Variants in MUC3A observed in about 807,000 individuals in gnomAD.
The protein encoded by MUC3A is mucin-3A.
Under a neutral mutation model 109.0 loss-of-function variants are expected in MUC3A, and 109 were observed. The observed-to-expected ratio is 1.00, with a 90% CI of 0.86 to 1.17. The LOEUF is 1.17. MUC3A is among the 50% of genes most tolerant of loss of function. The pLI, the probability that MUC3A is intolerant of heterozygous loss-of-function variation, is 0.00. For missense variants in MUC3A, 3,537 were observed against 2,469.4 expected (o/e 1.43, Z -9.16); for synonymous variants, 1,398 against 981.4 (o/e 1.42, Z -7.93).
rs1196633856 is a variant in MUC3A, at chr7:100,959,250, A to T, written c.7471A>T (p.Thr2491Ser). The T allele has an allele frequency of 3.8e-6, 6 of 1,597,190 alleles. No homozygotes were observed. Among genetic ancestry groups the T allele is most frequent in the Non-Finnish European group, 5.1e-6 (6 of 1,179,002 alleles). Reference sequence around the variant, plus strand: ...AGACATCCCGACCACAAGCCTACGAACTCTCACCCCTTCGTCTGTGGGCAC... The same window carrying T: ...AGACATCCCGACCACAAGCCTACGATCTCTCACCCCTTCGTCTGTGGGCAC... Reference protein sequence around the residue: ...STDIPTTSLRTLTPSSVGTST... With the variant: ...STDIPTTSLRSLTPSSVGTST... Residue 2491 changes from threonine to serine, a missense_variant, in exon 2 of 12, where the codon ACT (threonine) becomes TCT (serine). Thr to Ser is a moderately conservative substitution (Grantham distance 58, BLOSUM62 1). Coordinates refer to ENST00000379458, the MANE Select transcript of MUC3A (RefSeq NM_005960.2).
In MUC3A at chr7:100,960,098, A is replaced by G; in HGVS notation, c.8319A>G (p.Ile2773Met). The change falls in exon 2 of 12, where the codon ATA becomes ATG. Residue 2773 changes from isoleucine (I) to methionine (M), a missense_variant. Transcript: ENST00000379458. ...CCACCACACCCTGTCCAGGAACTAT[A>G]ACAATTACCATAGTCCCTGCCTCCC... ...LPSTTPCPGT[I>M]TITIVPASPT... The G allele has an allele frequency of 6.6e-7, 1 of 1,524,744 alleles. No homozygotes were observed. Among genetic ancestry groups the G allele is most frequent in the Non-Finnish European group, 8.7e-7 (1 of 1,145,042 alleles). The allele number at this position is 1,524,744 out of a possible 1,614,324, so 94.5% of individuals were successfully genotyped here.
In MUC3A at chr7:100,959,782, C is replaced by T. The variant is rs372171366; in HGVS notation, c.8003C>T (p.Thr2668Met). The change falls in exon 2 of 12, where the codon ACG becomes ATG. Residue 2668 changes from threonine (T) to methionine (M), a missense_variant. Transcript: ENST00000379458. The part of the protein sequence containing the change: ...FTTESFTRGS[T>M]STNAILTSFS... ...ACAGAATCTTTCACTAGGGGAAGTA[C>T]GTCTACAAATGCAATCTTGACTTCT... is the stretch of plus-strand genomic sequence containing the variant. 5.4e-5 allele frequency: 86 copies of T among 1,596,790 alleles called. No individual in the cohort carries two copies. The Admixed American group carries it at 8.5e-4, about 16-fold the overall frequency.
intron 11 of MUC3A, 73 bp downstream of exon 11, chr7:100,967,024 C>T (rs1205553145): frequency 6.3e-7 from 1 of 1,598,370 alleles, no homozygotes; most frequent in Non-Finnish European, 8.5e-7. Context: ...CGACCCCCAC[C>T]AGGGCAGGGA....
At position 100,952,715 on chromosome 7, in the gene MUC3A, C is replaced by G. The variant is rs77135444; in HGVS notation, c.936C>G (p.Thr312=). The G allele has an allele frequency of 1.3e-6, 2 of 1,516,470 alleles. No homozygotes were observed. The highest frequency in any genetic ancestry group is 4.0e-5 in the Admixed American group (2 of 50,366). The allele number at this position is 1,516,470 out of a possible 1,614,324, so 93.9% of individuals were successfully genotyped here. A position where few individuals can be genotyped will look rare whatever the true frequency, so the allele number is the denominator to read the frequency against. ...ETITSGITNT[T]PLSTLVTTLP... is the part of the protein sequence containing the mutation. ...TCACCAGTGGTATCACAAACACCAC[C>G]CCCCTATCCACCTTGGTGACCACAC... The change falls in exon 2 of 12, where the codon ACC becomes ACG. Residue 312 remains threonine, a synonymous_variant. Transcript: ENST00000379458.
chr7:100,966,136 G>A (rs961414325), intron 8 of MUC3A: 1 of 531,956 alleles, frequency 1.9e-6, no homozygotes, highest in Non-Finnish European at 3.0e-6. Flanking sequence ...TCGTTCTAGG[G>A]TTGAACCCCG....
rs1584803231 is a variant in MUC3A, at chr7:100,958,164, T to A, written c.6385T>A (p.Ser2129Thr). The A allele has an allele frequency of 8.2e-5, 97 of 1,176,552 alleles. No homozygotes were observed. The highest frequency in any genetic ancestry group is 2.0e-4 in the Middle Eastern group (1 of 4,880). The allele number at this position is 1,176,552 out of a possible 1,614,324, so 72.9% of individuals were successfully genotyped here. The change falls in exon 2 of 12, where the codon TCT (serine) becomes ACT (threonine). Residue 2129 changes from serine to threonine, a missense_variant. Transcript: ENST00000379458. ...MPSHSTPSFT[S>T]SITTTENATH... ...CTCACACAGTACTCCCAGCTTCACT[T>A]CTTCGATCACCACCACTGAGAACGC...
In MUC3A at chr7:100,952,683, GAAAC is replaced by G. The variant is rs1791989035; in HGVS notation, c.907_910del (p.Thr303SerfsTer15). 1 of 1,598,298 alleles carries G rather than the reference GAAAC, an allele frequency of 6.3e-7. No individual in the cohort carries two copies. Reference sequence around the variant, plus strand: ...ATCTTCCACACCTGTCCTGAGCACAGAAACAATCACCAGTGGTATCACAAACACC... The same window carrying G: ...ATCTTCCACACCTGTCCTGAGCACAGAATCACCAGTGGTATCACAAACACC... On this transcript the variant is annotated frameshift_variant, in exon 2 of 12. Transcript: ENST00000379458. LOFTEE classifies it high-confidence loss of function.
chr7:100,954,597 A>G lies in MUC3A; in HGVS notation c.2818A>G (p.Thr940Ala). The change falls in exon 2 of 12, where the codon ACA becomes GCA. Residue 940 changes from threonine to alanine, a missense_variant. Thr to Ala is a moderately conservative substitution (Grantham distance 58, BLOSUM62 0). Coordinates refer to ENST00000379458, the MANE Select transcript of MUC3A (RefSeq NM_005960.2). The stretch of plus-strand genomic sequence containing the variant: ...AGGCACCACCAGTACACTCCACACA[A>G]CAGTTGAATCCACCCCATCACCCAC... The part of the protein sequence containing the change: ...PRGTTSTLHT[T>A]VESTPSPTTT... The G allele has an allele frequency of 2.5e-6, 1 of 400,878 alleles. No homozygotes were observed. 24.8% of individuals were successfully genotyped at this position (400,878 alleles called of 1,614,324 possible).
chr7:100,958,944 A>T lies in MUC3A; in HGVS notation c.7165A>T (p.Thr2389Ser). 7.5e-7 allele frequency: 1 copy of T among 1,325,092 alleles called. No homozygotes were observed. The allele number at this position is 1,325,092 out of a possible 1,614,324, so 82.1% of individuals were successfully genotyped here. Residue 2389 changes from threonine to serine, a missense_variant, in exon 2 of 12, where the codon ACT (threonine) becomes TCT (serine). By Grantham distance (58) the Thr-to-Ser change is moderately conservative. Transcript: ENST00000379458. ...ITTTETPLHSTPGLTSWVTTT... is the reference protein window; with the variant it reads ...ITTTETPLHSSPGLTSWVTTT... ...CACCACTGAGACCCCCTTACACAGTACTCCTGGCCTCACTTCGTGGGTCAC... is the reference window on the plus strand; with the variant it reads ...CACCACTGAGACCCCCTTACACAGTTCTCCTGGCCTCACTTCGTGGGTCAC...
intron 8 of MUC3A, chr7:100,966,069 T>A: frequency 2.1e-6 from 1 of 485,690 alleles, no homozygotes; most frequent in Non-Finnish European, 2.9e-6. Flanking sequence ...TTGAGTCCTG[T>A]CCCCTAATTC....
Position 100,953,002 on chromosome 7 carries a change from A to G in MUC3A, c.1223A>G (p.Tyr408Cys), listed in dbSNP as rs1050615279. The change falls in exon 2 of 12, where the codon TAC (tyrosine) becomes TGC (cysteine). Residue 408 changes from tyrosine (Y) to cysteine (C), a missense_variant. Tyr to Cys is a radical substitution (Grantham distance 194). Coordinates refer to ENST00000379458, the MANE Select transcript of MUC3A (RefSeq NM_005960.2). ...CCCAGCTTCTCTTCATCAACCATCTACTCCACAGTCAGCACATCCACAACT... is the reference window on the plus strand; with the variant it reads ...CCCAGCTTCTCTTCATCAACCATCTGCTCCACAGTCAGCACATCCACAACT... ...STPSFSSSTIYSTVSTSTTAI... is the reference protein window; with the variant it reads ...STPSFSSSTICSTVSTSTTAI... The G allele has an allele frequency of 6.3e-7, 1 of 1,591,234 alleles. No homozygotes were observed.
chr7:100,964,428 C>A, intron 5 of MUC3A: 1 of 510,238 alleles, frequency 2.0e-6, no homozygotes, highest in African/African-American at 1.9e-5. Context: ...CCACTGCACT[C>A]CAGCCTGGGT....
Position 100,959,704 on chromosome 7 carries a change from C to T in MUC3A, c.7925C>T (p.Thr2642Ile). The change falls in exon 2 of 12, where the codon ACT (threonine) becomes ATT (isoleucine). Residue 2642 changes from threonine to isoleucine, a missense_variant. Physicochemically the swap from Thr to Ile is moderately conservative, Grantham distance 89 (BLOSUM62 -1). Coordinates refer to ENST00000379458, the MANE Select transcript of MUC3A (RefSeq NM_005960.2). ...PSTHSSTLQT[T>I]PSTPSLQTSL... Reference sequence around the variant, plus strand: ...ACACATTCCTCCACCCTTCAAACAACTCCTTCTACTCCCTCATTGCAAACT... The same window carrying T: ...ACACATTCCTCCACCCTTCAAACAATTCCTTCTACTCCCTCATTGCAAACT... The T allele has an allele frequency of 6.3e-7, 1 of 1,598,542 alleles. No homozygotes were observed. Among genetic ancestry groups the T allele is most frequent in the Non-Finnish European group, 8.5e-7 (1 of 1,179,816 alleles).
At chr7:100,960,969 C>T in intron 3 of MUC3A, 32 bp downstream of exon 3, 1 of 1,598,452 alleles carries the variant, frequency 6.3e-7, no homozygotes, top group Non-Finnish European at 8.5e-7. Context: ...TTCTGCACTT[C>T]CTCCCACAGG....
chr7:100,951,942 G>C lies in MUC3A; in HGVS notation c.163G>C (p.Gly55Arg). 1 of 1,598,636 alleles carries C rather than the reference G, an allele frequency of 6.3e-7. No individual in the cohort carries two copies. Among genetic ancestry groups the C allele is most frequent in the Non-Finnish European group, 8.5e-7 (1 of 1,179,804 alleles). The change falls in exon 2 of 12, where the codon GGG (glycine) becomes CGG (arginine). Residue 55 changes from glycine to arginine, a missense_variant. Gly to Arg is a moderately radical substitution (Grantham distance 125, BLOSUM62 -2). Coordinates refer to ENST00000379458, the MANE Select transcript of MUC3A (RefSeq NM_005960.2). ...TTCTCCACACTCCAGAGACCTGGCT[G>C]GGTGGCCACTTGGTGTCCCCCAGCT... ...SNSPHSRDLA[G>R]WPLGVPQLAS...
intron 8 of MUC3A, 44 bp from the exon 9 acceptor site, chr7:100,966,342 C>G (rs752966996): frequency 1.1e-5 from 14 of 1,284,196 alleles, no homozygotes; most frequent in South Asian, 3.3e-5. Context: ...GGGTGGACCC[C>G]GAGCCCGGAG....
At position 100,949,623 on chromosome 7, in the gene MUC3A, C is replaced by T; in HGVS notation, c.-2C>T. ...TGCCCCAGCCCCCTGCCCGCTGGGC[C>T]CATGCAGCTGTTGGGGCTCCTCGGC... On this transcript the variant is annotated 5_prime_UTR_variant, in exon 1 of 12. Transcript: ENST00000379458. The T allele has an allele frequency of 6.4e-7, 1 of 1,551,444 alleles. No individual in the cohort carries two copies. Among genetic ancestry groups the T allele is most frequent in the Non-Finnish European group, 8.7e-7 (1 of 1,155,868 alleles).
At chr7:100,963,636 C>T in intron 4 of MUC3A, 52 bp from the exon 5 acceptor site, 2 of 1,598,160 alleles carry the variant, frequency 1.3e-6, no homozygotes, top group South Asian at 1.1e-5. Context: ...GCGTCTGGGT[C>T]CCCTCAGGTC....
Position 100,957,114 on chromosome 7 carries a change from A to G in MUC3A, c.5335A>G (p.Thr1779Ala), listed in dbSNP as rs1449357179. 8 of 461,460 alleles carry G rather than the reference A, an allele frequency of 1.7e-5. No homozygotes were observed. Among genetic ancestry groups the G allele is most frequent in the Middle Eastern group, 2.9e-4 (1 of 3,396 alleles). 28.6% of individuals were successfully genotyped at this position (461,460 alleles called of 1,614,324 possible). A position where few individuals can be genotyped will look rare whatever the true frequency, so the allele number is the denominator to read the frequency against. ...ATATACGGTGACTTCGATGACAACT[A>G]CCACCCCTCTAGGGCCCACAGCCAC... ...STYTVTSMTT[T>A]TPLGPTATNT... is the part of the protein sequence containing the mutation. The change falls in exon 2 of 12, where the codon ACC (threonine) becomes GCC (alanine). Residue 1779 changes from threonine (T) to alanine (A), a missense_variant. Thr to Ala is a moderately conservative substitution (Grantham distance 58, BLOSUM62 0). Transcript: ENST00000379458.
Sources: allele counts gnomAD v4.1 joint callset, GRCh38; gene constraint gnomAD v4.1.1; transcripts MANE v1.5; gene names NCBI Gene and HGNC (gene_info 2026-07-23, HGNC 2026-07-21).